DLGAP2: variants seen among roughly 807,000 people sequenced by gnomAD.
DLGAP2 encodes the protein disks large-associated protein 2.
In DLGAP2, 26 loss-of-function variants were observed where a neutral mutation model predicts 100.3. The observed-to-expected ratio is 0.26, with a 90% CI of 0.19 to 0.36. The LOEUF is 0.36. Among genes scored for constraint, DLGAP2 ranks in the 10% least tolerant of loss-of-function variants. The pLI is 1.00. For missense variants in DLGAP2, 1,858 were observed against 1,453.2 expected (o/e 1.28, Z -4.53); for synonymous variants, 886 against 630.1 (o/e 1.41, Z -6.08).
At chr8:1,025,565 G>A (rs374581988) in intron 2 of DLGAP2, among the ~76,000 whole-genome samples, 5 of 152,146 alleles carry the variant, frequency 3.3e-5, no homozygotes, top group East Asian at 1.9e-4. Flanking sequence ...TCGATATGGC[G>A]GAGAGCAGCT....
chr8:918,931 T>TTTG (rs1171453186), intron 2 of DLGAP2, among the ~76,000 whole-genome samples: 4 of 152,270 alleles, frequency 2.6e-5, no homozygotes, highest in Non-Finnish European at 4.4e-5. Flanking sequence ...TGTAGGGTTT[T>TTTG]TTGTTGCTGT....
chr8:878,356 G>A (rs1035073429), intron 1 of DLGAP2, among the ~76,000 whole-genome samples: 3 of 152,178 alleles, frequency 2.0e-5, no homozygotes, highest in Admixed American at 2.0e-4. Flanking sequence ...CACACGGTAG[G>A]TTTTGTGGTT....
chr8:850,268 T>C (rs781224233), intron 1 of DLGAP2, among the ~76,000 whole-genome samples: 1 of 152,172 alleles, frequency 6.6e-6, no homozygotes, highest in Non-Finnish European at 1.5e-5. Context: ...GTCCAGTTTA[T>C]CACATTTTTA....
chr8:1,050,063 C>T (rs959381139), intron 2 of DLGAP2, among the ~76,000 whole-genome samples: 14 of 152,208 alleles, frequency 9.2e-5, no homozygotes, highest in African/African-American at 1.4e-4. Context: ...CATGTACATA[C>T]GTGTACACAC....
chr8:1,088,790 TCCCCC>T, intron 2 of DLGAP2, among the ~76,000 whole-genome samples: 1 of 69,876 alleles, frequency 1.4e-5, no homozygotes, highest in Non-Finnish European at 2.7e-5. Context: ...CAATTCTCAC[TCCCCC>T]CACCCCACTC....
chr8:1,670,583 T>C (rs574568703), intron 10 of DLGAP2, among the ~76,000 whole-genome samples: 1 of 152,156 alleles, frequency 6.6e-6, no homozygotes, highest in Admixed American at 6.5e-5. Context: ...TCAGTAAATG[T>C]TGGGTAAGCG....
chr8:809,619 A>G (rs531469420), intron 1 of DLGAP2, among the ~76,000 whole-genome samples: 17 of 152,258 alleles, frequency 1.1e-4, no homozygotes, highest in South Asian at 1.0e-3. Context: ...TTTTTGCACA[A>G]TTAGAATCTG....
chr8:757,884 A>G (rs13274614), intron 1 of DLGAP2, among the ~76,000 whole-genome samples: 91,837 of 151,932 alleles, frequency 0.6, 28,072 homozygotes, highest in African/African-American at 0.67. Flanking sequence ...AGGCATTCCC[A>G]AATGCGTCTT....
intron 2 of DLGAP2, among the ~76,000 whole-genome samples, chr8:1,224,823 C>T (rs144089365): frequency 3.3e-4 from 50 of 152,254 alleles, no homozygotes; most frequent in African/African-American, 7.0e-4. Context: ...TCAACAAGCA[C>T]GTGATAAGAT....
rs181392004 is a variant in DLGAP2, at chr8:1,184,179, A to G, written c.74-74672A>G. ...CTCTTTTATGCAACCGTCATGCCTC[A>G]TTCTAAAACCATAGAGAGCAAGCCA... On this transcript the variant is annotated intron_variant, in intron 2 of 14. Transcript: ENST00000637795. Among the ~76,000 whole-genome samples the G allele has an allele frequency of 1.7e-3, 261 of 152,368 alleles. 1 individual carries two copies. The highest frequency in any genetic ancestry group is 5.8e-3 in the African/African-American group (240 of 41,592).
chr8:833,983 A>G (rs906367631), intron 1 of DLGAP2, among the ~76,000 whole-genome samples: 2 of 152,208 alleles, frequency 1.3e-5, no homozygotes, highest in African/African-American at 4.8e-5. Flanking sequence ...TCATTGGTGC[A>G]GTGGGCTCGC....
At chr8:902,128 A>G (rs1055346258) in intron 1 of DLGAP2, among the ~76,000 whole-genome samples, 2 of 152,200 alleles carry the variant, frequency 1.3e-5, no homozygotes, top group Non-Finnish European at 2.9e-5. Context: ...GGCTGGACTG[A>G]GGCTGGGGCT....
chr8:1,392,592 A>G (rs1796391315), intron 3 of DLGAP2, among the ~76,000 whole-genome samples: 1 of 152,186 alleles, frequency 6.6e-6, no homozygotes, highest in Non-Finnish European at 1.5e-5. Flanking sequence ...TTGTTATCAT[A>G]TTAACTTTGC....
intron 2 of DLGAP2, among the ~76,000 whole-genome samples, chr8:1,148,440 G>T (rs975099903): frequency 3.3e-5 from 5 of 151,840 alleles, no homozygotes; most frequent in African/African-American, 1.2e-4. Context: ...CCTACACTGT[G>T]TTTTTAAATT....
intron 2 of DLGAP2, among the ~76,000 whole-genome samples, chr8:945,100 C>T (rs979238877): frequency 4.6e-5 from 7 of 152,186 alleles, no homozygotes; most frequent in Non-Finnish European, 8.8e-5. Context: ...TTGACAGAAA[C>T]CTGTATTGGG....
intron 2 of DLGAP2, among the ~76,000 whole-genome samples, chr8:1,067,093 G>GTGGC (rs994732419): frequency 6.6e-6 from 1 of 152,148 alleles, no homozygotes; most frequent in Non-Finnish European, 1.5e-5. Flanking sequence ...AGGTGGGTGG[G>GTGGC]TGGCTCTGAC....
At chr8:1,180,570 G>A (rs1004150608) in intron 2 of DLGAP2, among the ~76,000 whole-genome samples, 1 of 150,772 alleles carries the variant, frequency 6.6e-6, no homozygotes, top group Non-Finnish European at 1.5e-5. Flanking sequence ...GGCACACATC[G>A]TGTGCAATGG....
intron 2 of DLGAP2, among the ~76,000 whole-genome samples, chr8:1,170,953 C>T (rs1797115709): frequency 1.3e-5 from 2 of 150,862 alleles, no homozygotes; most frequent in Non-Finnish European, 3.0e-5. Flanking sequence ...TCTTGCTTCT[C>T]TAGTTCTTTT....
intron 6 of DLGAP2, among the ~76,000 whole-genome samples, chr8:1,577,375 C>T (rs1245455955): frequency 6.6e-6 from 1 of 152,010 alleles, no homozygotes; most frequent in Non-Finnish European, 1.5e-5. Context: ...TCGAGACCAG[C>T]CTGGCCAACA....
Sources: gnomAD v4.1 joint callset for allele counts (sites outside exome capture counted in the v4.1 genomes callset) on GRCh38, gnomAD v4.1.1 for gene constraint, MANE v1.5 for transcripts, NCBI Gene and HGNC (gene_info 2026-07-23, HGNC 2026-07-21) for gene names.